Variants in RHOBTB1 observed in about 807,000 individuals in gnomAD.
RHOBTB1 encodes Rho related BTB domain containing 1.
RHOBTB1 carries 40 observed loss-of-function variants against 71.6 expected under a neutral mutation model. That is an observed-to-expected ratio of 0.56 (90% CI 0.43 to 0.73). The LOEUF is 0.73. Ranked by LOEUF, RHOBTB1 falls within the 30% of genes least tolerant of loss-of-function variation. The pLI is 0.00. For missense variants in RHOBTB1, 797 were observed against 894.0 expected, an observed-to-expected ratio of 0.89 and a Z score of 1.38; for synonymous variants, 319 against 334.9, an observed-to-expected ratio of 0.95 and a Z score of 0.52.
the RHOBTB1 span, among the ~76,000 whole-genome samples, chr10:60,863,643 G>A: frequency 2.0e-5 from 3 of 151,776 alleles, no homozygotes; most frequent in Non-Finnish European, 2.9e-5. Flanking sequence ...AGTGATTCTC[G>A]TGCCTCAGCC....
At chr10:60,951,674 TGAGAGG>T (rs2085412324) in intron 2 of RHOBTB1, among the ~76,000 whole-genome samples, 1 of 152,168 alleles carries the variant, frequency 6.6e-6, no homozygotes, top group South Asian at 2.1e-4. Flanking sequence ...GAAGATTTGG[TGAGAGG>T]CACGGAAGCT....
At chr10:60,975,561 T>C (rs907097838) in intron 2 of RHOBTB1, among the ~76,000 whole-genome samples, 5 of 152,100 alleles carry the variant, frequency 3.3e-5, no homozygotes, top group African/African-American at 1.2e-4. Context: ...AGGTAATAAC[T>C]GACTAAGTGC....
At chr10:60,907,271 C>T (rs1433579102) in intron 4 of RHOBTB1, among the ~76,000 whole-genome samples, 1 of 152,174 alleles carries the variant, frequency 6.6e-6, no homozygotes, top group Non-Finnish European at 1.5e-5. Context: ...AGGCAGAGCC[C>T]ATCCTGTTTG....
In RHOBTB1 at chr10:60,904,732, C is replaced by T. The variant is rs771210093; in HGVS notation, c.296+6155G>A. ...TCACCTCTTCCAGAACTCTTACATC[C>T]GAATGACTGCTCTGTTCAAATAGGA... On this transcript the variant is annotated intron_variant, in intron 4 of 10. Coordinates refer to ENST00000337910, the MANE Select transcript of RHOBTB1 (RefSeq NM_014836.5). Among the ~76,000 whole-genome samples the T allele has an allele frequency of 1.5e-4, 23 of 152,308 alleles. No individual in the cohort carries two copies. In the South Asian group the frequency reaches 1.9e-3, roughly 12 times the overall value.
chr10:60,956,959 A>C (rs1450673726), intron 2 of RHOBTB1, among the ~76,000 whole-genome samples: 2 of 152,166 alleles, frequency 1.3e-5, no homozygotes, highest in African/African-American at 4.8e-5. Context: ...AGCTTGAAAA[A>C]CCAACATATC....
chr10:60,961,043 C>T (rs191878486), intron 2 of RHOBTB1, among the ~76,000 whole-genome samples: 6 of 152,192 alleles, frequency 3.9e-5, no homozygotes, highest in African/African-American at 1.4e-4. Context: ...CTGTGCTTTA[C>T]CCAGCCCCTC....
chr10:60,911,719 GTTTTC>G (rs2082982621), intron 2 of RHOBTB1, among the ~76,000 whole-genome samples, 167 bp from the exon 3 acceptor site: 1 of 152,194 alleles, frequency 6.6e-6, no homozygotes, highest in Non-Finnish European at 1.5e-5. Flanking sequence ...TGACACTCAA[GTTTTC>G]TTTTTATATC....
chr10:60,924,949 T>C (rs1368567277), intron 2 of RHOBTB1, among the ~76,000 whole-genome samples: 1 of 152,138 alleles, frequency 6.6e-6, no homozygotes, highest in Non-Finnish European at 1.5e-5. Context: ...AATGTTAGAG[T>C]TGGGGCTTGG....
At chr10:60,924,669 T>A (rs1389427438) in intron 2 of RHOBTB1, among the ~76,000 whole-genome samples, 1 of 152,170 alleles carries the variant, frequency 6.6e-6, no homozygotes, top group African/African-American at 2.4e-5. Context: ...TTACAGAACA[T>A]TTCATCCAAC....
intron 2 of RHOBTB1, among the ~76,000 whole-genome samples, chr10:60,949,620 A>C (rs1000561801): frequency 6.7e-6 from 1 of 148,584 alleles, no homozygotes; most frequent in South Asian, 2.2e-4. Context: ...TTAGGTTTGC[A>C]GTCCAGTTAT....
Position 60,910,974 on chromosome 10 carries a change from C to T in RHOBTB1, c.209G>A (p.Arg70Gln). ...RVCQEVLERS[R>Q]DVVDEVSVSL... ...AACACTCACTTCATCAACAACATCC[C>T]GAGAACGCTCCAAGACCTGCAGGAG... The change falls in exon 4 of 11, where the codon CGG becomes CAG. Residue 70 changes from arginine to glutamine, a missense_variant. Transcript: ENST00000337910. 8 of 1,613,894 alleles carry T rather than the reference C, an allele frequency of 5.0e-6. No individual in the cohort carries two copies. The highest frequency in any genetic ancestry group is 2.2e-5 in the East Asian group (1 of 44,862).
Position 60,990,393 on chromosome 10 carries a change from T to A in RHOBTB1, c.-162-4448A>T, listed in dbSNP as rs1164246857. Among the ~76,000 whole-genome samples, 4 of 152,156 alleles carry A rather than the reference T, an allele frequency of 2.6e-5. No individual in the cohort carries two copies. The East Asian group carries it at 7.7e-4, about 29-fold the overall frequency. ...ATCTTGTCTACTCCCCAAGAATCTT[T>A]TTGAGACAGATGCAAGACATGAACA... On this transcript the variant is annotated intron_variant, in intron 1 of 11. Transcript: ENST00000357917.
rs184082018 is a variant in RHOBTB1 at position 60,925,259 on chromosome 10, T to G, written c.-10-13707A>C. On this transcript the variant is annotated intron_variant, in intron 2 of 10. Transcript: ENST00000337910. The stretch of plus-strand genomic sequence containing the variant: ...AACCATGAGCCAATTAAATCTCTTT[T>G]CTTTATAAATTATTCAGTCTCAGGT... Among the ~76,000 whole-genome samples the G allele has an allele frequency of 2.0e-3, 298 of 152,310 alleles. 1 individual carries two copies. The highest frequency in any genetic ancestry group is 7.0e-3 in the African/African-American group (289 of 41,566).
rs756159814 is a variant in RHOBTB1 at position 60,886,071 on chromosome 10, C to T, written c.1575+41G>A. On this transcript the variant is annotated intron_variant, in intron 7 of 10. Transcript: ENST00000337910. ...TTATATAAATACACAGGCACACATA[C>T]ATTCATAAAGACACCACTATGCTTT... The T allele has an allele frequency of 1.1e-5, 15 of 1,411,930 alleles. 1 individual carries two copies. In the South Asian group the frequency reaches 1.7e-4, roughly 16 times the overall value. The allele number at this position is 1,411,930 out of a possible 1,614,324, so 87.5% of individuals were successfully genotyped here.
chr10:60,879,957 G>C (rs773953081), intron 7 of RHOBTB1, among the ~76,000 whole-genome samples: 1 of 152,028 alleles, frequency 6.6e-6, no homozygotes, highest in Non-Finnish European at 1.5e-5. Flanking sequence ...CTTTTTTCTT[G>C]TCATTATTCC....
chr10:60,866,299 G>T (rs933729640), downstream of RHOBTB1, among the ~76,000 whole-genome samples: 1 of 152,202 alleles, frequency 6.6e-6, no homozygotes, highest in African/African-American at 2.4e-5. Context: ...TGGACTAGAT[G>T]CACACATTGT....
intron 2 of RHOBTB1, among the ~76,000 whole-genome samples, chr10:60,953,168 C>T (rs963780341): frequency 6.6e-6 from 1 of 152,118 alleles, no homozygotes; most frequent in African/African-American, 2.4e-5. Flanking sequence ...AATATATGGA[C>T]AACATGGGTA....
intron 10 of RHOBTB1, among the ~76,000 whole-genome samples, chr10:60,871,874 GATTTC>G (rs1432675267): frequency 2.6e-5 from 4 of 152,294 alleles, no homozygotes; most frequent in Non-Finnish European, 5.9e-5. Context: ...AGGACCACCT[GATTTC>G]AGAGTCTAAG....
At chr10:60,884,910 T>C (rs563689318) in intron 7 of RHOBTB1, among the ~76,000 whole-genome samples, 39 of 152,214 alleles carry the variant, frequency 2.6e-4, no homozygotes, top group Non-Finnish European at 4.3e-4. Flanking sequence ...AATTCTAGTG[T>C]ACATTTTTTT....
Sources: allele counts gnomAD v4.1 joint callset (sites outside exome capture counted in the v4.1 genomes callset), GRCh38; gene constraint gnomAD v4.1.1; transcripts MANE v1.5; gene names NCBI Gene and HGNC (gene_info 2026-07-23, HGNC 2026-07-21).